GALK2: variants seen among roughly 807,000 people sequenced by gnomAD.
GALK2 encodes N-acetylgalactosamine kinase.
GALK2 carries 36 observed loss-of-function variants against 52.4 expected under a neutral mutation model. That is an observed-to-expected ratio of 0.69 (90% confidence interval 0.53 to 0.91). GALK2 has a LOEUF of 0.91. Among genes scored for constraint, GALK2 ranks in the 40% least tolerant of loss-of-function variants. The pLI is 0.00. For missense variants in GALK2, 579 were observed against 559.1 expected (o/e 1.04, Z -0.36); for synonymous variants, 176 against 199.1 (o/e 0.88, Z 0.98).
chr15:49,242,722 C>T (rs1430551007), intron 5 of GALK2, among the ~76,000 whole-genome samples: 1 of 152,052 alleles, frequency 6.6e-6, no homozygotes, highest in Non-Finnish European at 1.5e-5. Flanking sequence ...AATCTGGAAG[C>T]CAGAAATTAT....
intron 1 of GALK2, among the ~76,000 whole-genome samples, chr15:49,176,199 CT>C (rs2085445267): frequency 2.0e-5 from 3 of 152,258 alleles, no homozygotes; most frequent in African/African-American, 7.2e-5. Flanking sequence ...ATTTAAAGAC[CT>C]TTTGTTCCTG....
intron 5 of GALK2, among the ~76,000 whole-genome samples, chr15:49,258,794 ATGTGTGTGTG>A (rs35306007): frequency 1.9e-5 from 2 of 103,736 alleles, no homozygotes; most frequent in Non-Finnish European, 4.0e-5. Context: ...ATATATATAT[ATGTGTGTGTG>A]TGTGTGTGTG....
chr15:49,227,733 T>G (rs1439979918), intron 3 of GALK2, among the ~76,000 whole-genome samples: 1 of 152,082 alleles, frequency 6.6e-6, no homozygotes, highest in African/African-American at 2.4e-5. Context: ...TCTCTCTTGT[T>G]TGTTGTGGTT....
intron 3 of GALK2, 159 bp from the exon 4 acceptor site, chr15:49,235,690 CTT>C (rs2090764705): frequency 5.3e-6 from 4 of 753,928 alleles, no homozygotes; most frequent in Admixed American, 1.8e-5. Context: ...TCTCTTAACT[CTT>C]AGCAGCTGGA....
chr15:49,253,528 C>T lies in GALK2; in HGVS notation c.504+14161C>T, dbSNP rs1363196285. On this transcript the variant is annotated intron_variant, in intron 5 of 9. Coordinates refer to ENST00000560031, the MANE Select transcript of GALK2 (RefSeq NM_002044.4). The stretch of plus-strand genomic sequence containing the variant: ...GAGCAGCCAGCAGGAATATTTTTTC[C>T]AATAGCATTTGTGCAGTAAGACATA... Among the ~76,000 whole-genome samples the T allele has an allele frequency of 1.4e-5, 2 of 143,900 alleles. 1 individual carries two copies. Among genetic ancestry groups the T allele is most frequent in the Non-Finnish European group, 3.1e-5 (2 of 64,124 alleles). 94.4% of individuals were successfully genotyped at this position (143,900 alleles called of 152,430 possible). A position where few individuals can be genotyped will look rare whatever the true frequency, so the allele number is the denominator to read the frequency against.
At chr15:49,340,888 T>C (rs960757437) in intron 3 of GALK2, among the ~76,000 whole-genome samples, 2 of 152,192 alleles carry the variant, frequency 1.3e-5, no homozygotes, top group African/African-American at 2.4e-5. Context: ...AGGATTCTTA[T>C]AGTGTAAAGT....
rs2033016366 is a variant in GALK2 at position 49,283,708 on chromosome 15, T to G, written c.746T>G (p.Leu249Arg). 1.2e-6 allele frequency: 2 copies of G among 1,613,854 alleles called. No individual in the cohort carries two copies. Among genetic ancestry groups the G allele is most frequent in the African/African-American group, 2.7e-5 (2 of 74,932 alleles). Residue 249 changes from leucine (L) to arginine (R), a missense_variant, in exon 7 of 10, where the codon CTG becomes CGG. Coordinates refer to ENST00000560031, the MANE Select transcript of GALK2 (RefSeq NM_002044.4). Reference protein sequence around the residue: ...HFNIRVMECRLAAKLLAKYKS... With the variant: ...HFNIRVMECRRAAKLLAKYKS... The stretch of plus-strand genomic sequence containing the variant: ...AATATCAGGGTGATGGAGTGTCGGC[T>G]GGCTGCGAAGGTATGAACTTGGCAG...
intron 4 of GALK2, among the ~76,000 whole-genome samples, chr15:49,237,449 G>GT (rs540652929): frequency 1.3e-5 from 2 of 151,824 alleles, no homozygotes; most frequent in South Asian, 2.1e-4. Context: ...ATAATACGTT[G>GT]TTTTTTGTTT....
intron 1 of GALK2, among the ~76,000 whole-genome samples, chr15:49,192,485 G>GTATATGTATATA (rs2086806183): frequency 1.9e-5 from 2 of 102,976 alleles, no homozygotes. Flanking sequence ...ATATATATAT[G>GTATATGTATATA]TATATATATA....
chr15:49,171,486 A>T (rs1229880494), intron 1 of GALK2, among the ~76,000 whole-genome samples: 1 of 152,068 alleles, frequency 6.6e-6, no homozygotes, highest in Non-Finnish European at 1.5e-5. Context: ...GTGTCAGTTG[A>T]TGATATTATA....
At position 49,218,422 on chromosome 15, in the gene GALK2, G is replaced by T. The variant is rs572050311; in HGVS notation, c.266+1109G>T. 1.6e-4 allele frequency among the ~76,000 whole-genome samples: 24 copies of T among 152,230 alleles called. No homozygotes were observed. In the East Asian group the frequency reaches 1.7e-3, roughly 11 times the overall value. The stretch of plus-strand genomic sequence containing the variant: ...TAATCATTCCCACAATAATGAATAT[G>T]TGGTTTCAGTTTCGTTTTTCACAAA... On this transcript the variant is annotated intron_variant, in intron 3 of 9. Transcript: ENST00000560031.
chr15:49,318,957 T>TC (rs771524023), intron 8 of GALK2: 4 of 426,976 alleles, frequency 9.4e-6, no homozygotes, highest in Admixed American at 5.1e-5. Context: ...TTTCTTTCTT[T>TC]TTTTTTTTTT....
intron 2 of GALK2, among the ~76,000 whole-genome samples, chr15:49,205,098 T>C (rs2088159226): frequency 6.6e-6 from 1 of 152,232 alleles, no homozygotes. Context: ...TACTTGTTGA[T>C]TGATGGGCAT....
At chr15:49,339,134 G>C (rs1415403834) in intron 3 of GALK2, among the ~76,000 whole-genome samples, 1 of 152,164 alleles carries the variant, frequency 6.6e-6, no homozygotes, top group Admixed American at 6.5e-5. Context: ...ACTTCTGTCA[G>C]TTTGTCAAAC....
chr15:49,267,104 G>T (rs779422236), intron 5 of GALK2, among the ~76,000 whole-genome samples: 88 of 152,170 alleles, frequency 5.8e-4, no homozygotes, highest in Admixed American at 5.2e-4. Flanking sequence ...GGCAAAGCAG[G>T]CTTTCTTAAG....
chr15:49,315,024 T>G (rs1028180269), intron 8 of GALK2, among the ~76,000 whole-genome samples: 1 of 152,246 alleles, frequency 6.6e-6, no homozygotes, highest in Admixed American at 6.5e-5. Flanking sequence ...AAGCCAAAAT[T>G]ATTAGCAACA....
In GALK2 at chr15:49,285,796, G is replaced by A. The variant is rs1427582107; in HGVS notation, c.756+2078G>A. 2.0e-5 allele frequency among the ~76,000 whole-genome samples: 3 copies of A among 152,166 alleles called. No homozygotes were observed. In the East Asian group the frequency reaches 5.8e-4, roughly 29 times the overall value. ...TCATTCTTTAAATAACAGCATGACG[G>A]CTTAGAAATTTAAATCTGAGCAATT... is the stretch of plus-strand genomic sequence containing the variant. On this transcript the variant is annotated intron_variant, in intron 7 of 9. Transcript: ENST00000560031.
intron 5 of GALK2, among the ~76,000 whole-genome samples, chr15:49,251,922 A>G (rs370223480): frequency 1.3e-5 from 2 of 152,186 alleles, no homozygotes; most frequent in Non-Finnish European, 2.9e-5. Flanking sequence ...TAATATATAC[A>G]TATGTTTGCC....
chr15:49,257,013 TA>T (rs1384914023), intron 5 of GALK2, among the ~76,000 whole-genome samples: 1 of 152,160 alleles, frequency 6.6e-6, no homozygotes, highest in African/African-American at 2.4e-5. Context: ...CCAGAGGATT[TA>T]TTCATTTATC....
Sources: gnomAD v4.1 joint callset for allele counts (sites outside exome capture counted in the v4.1 genomes callset) on GRCh38, gnomAD v4.1.1 for gene constraint, MANE v1.5 for transcripts, NCBI Gene and HGNC (gene_info 2026-07-23, HGNC 2026-07-21) for gene names.